RNGTT: variants seen among roughly 807,000 people sequenced by gnomAD.
RNGTT encodes mRNA-capping enzyme.
Under a neutral mutation model 79.3 loss-of-function variants are expected in RNGTT, and 33 were observed. The observed-to-expected ratio is 0.42, with a 90% CI of 0.32 to 0.56. RNGTT has a LOEUF of 0.56. Among genes scored for constraint, RNGTT ranks in the 20% least tolerant of loss-of-function variants. The pLI is 0.17. For synonymous variants in RNGTT, 222 were observed against 235.9 expected (o/e 0.94, Z 0.54); for missense variants, 497 against 739.1 (o/e 0.67, Z 3.80).
At chr6:88,866,326 T>G (rs1782163101) in intron 8 of RNGTT, among the ~76,000 whole-genome samples, 1 of 151,994 alleles carries the variant, frequency 6.6e-6, no homozygotes, top group Non-Finnish European at 1.5e-5. Context: ...ATACCCCACC[T>G]CCAGTGCTGC....
At chr6:88,772,731 A>T (rs1778731953) in intron 12 of RNGTT, among the ~76,000 whole-genome samples, 2 of 152,248 alleles carry the variant, frequency 1.3e-5, no homozygotes, top group South Asian at 4.1e-4. Flanking sequence ...GCTCACCATC[A>T]CTGGCCATCA....
At chr6:88,873,817 C>G (rs1782429630) in intron 8 of RNGTT, among the ~76,000 whole-genome samples, 1 of 152,074 alleles carries the variant, frequency 6.6e-6, no homozygotes, top group African/African-American at 2.4e-5. Flanking sequence ...AAATGCTTAT[C>G]AAGTCCAAGT....
At chr6:88,626,500 CAA>C (rs1346669372) in intron 14 of RNGTT, among the ~76,000 whole-genome samples, 3 of 151,932 alleles carry the variant, frequency 2.0e-5, no homozygotes, top group Admixed American at 2.0e-4. Flanking sequence ...AGGTGGGAGA[CAA>C]AGTGATATAT....
intron 11 of RNGTT, among the ~76,000 whole-genome samples, chr6:88,834,318 G>A (rs568482488): frequency 6.6e-6 from 1 of 152,054 alleles, no homozygotes; most frequent in Non-Finnish European, 1.5e-5. Flanking sequence ...TTTAGTATGC[G>A]TTATATGATT....
At chr6:88,941,971 C>T (rs988859960) in intron 1 of RNGTT, among the ~76,000 whole-genome samples, 1 of 152,086 alleles carries the variant, frequency 6.6e-6, no homozygotes, top group African/African-American at 2.4e-5. Context: ...CAGGTGCACA[C>T]CACCATAACC....
At chr6:88,895,229 CTGTGTGTGTG>C (rs5878081) in intron 6 of RNGTT, among the ~76,000 whole-genome samples, 3,675 of 145,172 alleles carry the variant, frequency 0.025, 99 homozygotes, top group African/African-American at 0.066. Flanking sequence ...AGAGAGAGCT[CTGTGTGTGTG>C]TGTGTGTGTG....
chr6:88,728,768 A>G (rs552203198), intron 13 of RNGTT, among the ~76,000 whole-genome samples: 1 of 152,326 alleles, frequency 6.6e-6, no homozygotes, highest in East Asian at 1.9e-4. Context: ...AAAACCTTTT[A>G]CAACGGAAGA....
chr6:88,615,847 G>A (rs1772197863), intron 14 of RNGTT, among the ~76,000 whole-genome samples: 1 of 152,166 alleles, frequency 6.6e-6, no homozygotes, highest in African/African-American at 2.4e-5. Context: ...ATTAGGCAAT[G>A]AAACATTGCT....
In RNGTT at chr6:88,658,468, C is replaced by T. The variant is rs1238497612; in HGVS notation, c.1506+19885G>A. Among the ~76,000 whole-genome samples the T allele has an allele frequency of 4.6e-5, 7 of 152,178 alleles. No homozygotes were observed. The East Asian group carries it at 7.7e-4, about 17-fold the overall frequency. ...GCACTAGCCAGGGGCCAGGTAGCCCCGCTGGGTGGCTAGACCTAGAAGGGC... is the reference window on the plus strand; with the variant it reads ...GCACTAGCCAGGGGCCAGGTAGCCCTGCTGGGTGGCTAGACCTAGAAGGGC... On this transcript the variant is annotated intron_variant, in intron 14 of 15. Coordinates refer to ENST00000369485, the MANE Select transcript of RNGTT (RefSeq NM_003800.5).
intron 14 of RNGTT, among the ~76,000 whole-genome samples, chr6:88,664,675 T>C (rs1774326303): frequency 1.3e-5 from 2 of 152,042 alleles, no homozygotes; most frequent in Non-Finnish European, 2.9e-5. Flanking sequence ...ATTGGAAAGA[T>C]AAGTGCCCTC....
At chr6:88,794,065 A>T (rs1041139080) in intron 12 of RNGTT, among the ~76,000 whole-genome samples, 2 of 152,226 alleles carry the variant, frequency 1.3e-5, no homozygotes, top group Non-Finnish European at 1.5e-5. Context: ...TATGACCATA[A>T]GAGAATTTCA....
At chr6:88,667,322 G>A (rs1303285739) in intron 14 of RNGTT, among the ~76,000 whole-genome samples, 1 of 152,226 alleles carries the variant, frequency 6.6e-6, no homozygotes, top group Non-Finnish European at 1.5e-5. Context: ...GGCTGTGCAT[G>A]AGACCACCCA....
intron 6 of RNGTT, among the ~76,000 whole-genome samples, chr6:88,900,416 G>A (rs1783409121): frequency 6.6e-6 from 1 of 152,162 alleles, no homozygotes; most frequent in South Asian, 2.1e-4. Context: ...AAAGCTTAAT[G>A]AGGACATTAG....
chr6:88,880,209 TGAATGAAAGGAA>T (rs1782653592), intron 8 of RNGTT, among the ~76,000 whole-genome samples: 1 of 143,316 alleles, frequency 7.0e-6, no homozygotes, highest in African/African-American at 2.6e-5. Flanking sequence ...AATGAATGAA[TGAATGAAAGGAA>T]GAAGGGAAGG....
chr6:88,754,961 A>T (rs1467253301), intron 13 of RNGTT, among the ~76,000 whole-genome samples: 1 of 152,184 alleles, frequency 6.6e-6, no homozygotes, highest in Non-Finnish European at 1.5e-5. Context: ...CTCAGCTCTG[A>T]AAGTTATGAG....
At chr6:88,930,157 C>T (rs545048417) in intron 2 of RNGTT, among the ~76,000 whole-genome samples, 2 of 147,266 alleles carry the variant, frequency 1.4e-5, no homozygotes, top group African/African-American at 5.0e-5. Flanking sequence ...TACGTACATA[C>T]ATATATACAT....
chr6:88,963,500 G>A lies in RNGTT; in HGVS notation c.-91C>T. The stretch of plus-strand genomic sequence containing the variant: ...CGTGGTCCGGTGCACACCGGGGTCC[G>A]AGACACCCGAATCGCAGCCGTAATC... On this transcript the variant is annotated 5_prime_UTR_variant, in exon 1 of 16. Coordinates refer to ENST00000369485, the MANE Select transcript of RNGTT (RefSeq NM_003800.5). 1 of 1,239,738 alleles carries A rather than the reference G, an allele frequency of 8.1e-7. No homozygotes were observed. The highest frequency in any genetic ancestry group is 1.1e-6 in the Non-Finnish European group (1 of 915,816). The allele number at this position is 1,239,738 out of a possible 1,614,324, so 76.8% of individuals were successfully genotyped here.
intron 13 of RNGTT, among the ~76,000 whole-genome samples, chr6:88,700,850 A>G (rs1029749337): frequency 2.0e-5 from 3 of 152,174 alleles, no homozygotes; most frequent in African/African-American, 7.2e-5. Flanking sequence ...TTGAAGATTA[A>G]ATGAAATAAT....
At chr6:88,858,842 C>T (rs760807939) in intron 8 of RNGTT, among the ~76,000 whole-genome samples, 2 of 152,190 alleles carry the variant, frequency 1.3e-5, no homozygotes, top group South Asian at 4.1e-4. Context: ...TTGGAGTACA[C>T]AGACTAGTAG....
Sources: gnomAD v4.1 joint callset for allele counts (sites outside exome capture counted in the v4.1 genomes callset) on GRCh38, gnomAD v4.1.1 for gene constraint, MANE v1.5 for transcripts, NCBI Gene and HGNC (gene_info 2026-07-23, HGNC 2026-07-21) for gene names.